The following PLCB1 variants were observed in gnomAD, a reference collection of about 807,000 sequenced individuals.
The protein encoded by PLCB1 is 1-phosphatidylinositol 4,5-bisphosphate phosphodiesterase beta-1.
Under a neutral mutation model 161.8 loss-of-function variants are expected in PLCB1, and 46 were observed. That is an observed-to-expected ratio of 0.28 (90% CI 0.22 to 0.36). The LOEUF (loss-of-function observed/expected upper bound fraction) is 0.36, where lower values mean the gene tolerates loss of function less well. PLCB1 is among the 10% of genes least tolerant of loss of function. The pLI, the probability that PLCB1 is intolerant of heterozygous loss-of-function variation, is 1.00. For missense variants in PLCB1, 1,016 were observed against 1,472.5 expected (o/e 0.69, Z 5.07); for synonymous variants, 517 against 503.7 (o/e 1.03, Z -0.35).
At chr20:8,691,978 C>T (rs902142979) in intron 10 of PLCB1, among the ~76,000 whole-genome samples, 1 of 152,112 alleles carries the variant, frequency 6.6e-6, no homozygotes, top group African/African-American at 2.4e-5. Flanking sequence ...GCAGTAAATA[C>T]AACCTATACT....
At chr20:8,486,336 T>A (rs1403434730) in intron 3 of PLCB1, among the ~76,000 whole-genome samples, 1 of 152,208 alleles carries the variant, frequency 6.6e-6, no homozygotes, top group Non-Finnish European at 1.5e-5. Context: ...CGTTCAGATG[T>A]ACTAATTTGT....
At chr20:8,517,718 T>C (rs1984191260) in intron 3 of PLCB1, among the ~76,000 whole-genome samples, 1 of 152,158 alleles carries the variant, frequency 6.6e-6, no homozygotes, top group African/African-American at 2.4e-5. Context: ...GGAATGAATC[T>C]CTGGATTGGC....
intron 3 of PLCB1, among the ~76,000 whole-genome samples, chr20:8,494,245 A>T (rs1012014862): frequency 6.6e-6 from 1 of 152,220 alleles, no homozygotes; most frequent in African/African-American, 2.4e-5. Flanking sequence ...CTGGAACATG[A>T]CTTTCCTCCC....
At chr20:8,427,860 A>G (rs1208637429) in intron 3 of PLCB1, among the ~76,000 whole-genome samples, 1 of 152,238 alleles carries the variant, frequency 6.6e-6, no homozygotes, top group Non-Finnish European at 1.5e-5. Flanking sequence ...TGAATGTTTC[A>G]TAATGTTCAA....
At chr20:8,535,108 A>G (rs1352332514) in intron 3 of PLCB1, among the ~76,000 whole-genome samples, 3 of 21,522 alleles carry the variant, frequency 1.4e-4, no homozygotes, top group African/African-American at 3.4e-4. Flanking sequence ...TTTAAAGTAA[A>G]AAAAAAAAAA....
intron 31 of PLCB1, among the ~76,000 whole-genome samples, chr20:8,872,853 C>CGGT (rs1158516216): frequency 6.6e-6 from 1 of 152,184 alleles, no homozygotes; most frequent in East Asian, 1.9e-4. Flanking sequence ...CACTCCAACA[C>CGGT]CCGGCATCCT....
chr20:8,256,292 C>T (rs1386190695), intron 2 of PLCB1, among the ~76,000 whole-genome samples: 1 of 152,100 alleles, frequency 6.6e-6, no homozygotes, highest in Non-Finnish European at 1.5e-5. Flanking sequence ...CTGGCCTATC[C>T]TGGGTGGTTC....
chr20:8,596,871 A>C (rs2123126464), intron 3 of PLCB1, among the ~76,000 whole-genome samples: 1 of 152,124 alleles, frequency 6.6e-6, no homozygotes, highest in African/African-American at 2.4e-5. Flanking sequence ...GCAATTGTGA[A>C]TGGGAGTTCA....
intron 3 of PLCB1, among the ~76,000 whole-genome samples, chr20:8,523,263 G>A (rs941322789): frequency 1.3e-5 from 2 of 151,712 alleles, no homozygotes; most frequent in African/African-American, 4.8e-5. Flanking sequence ...AGACACTAGG[G>A]ATATAGTAGA....
chr20:8,550,871 T>C (rs1985751152), intron 3 of PLCB1, among the ~76,000 whole-genome samples: 10 of 152,098 alleles, frequency 6.6e-5, no homozygotes, highest in Admixed American at 6.6e-4. Context: ...CTCTCTCTCT[T>C]TTTCTCTATT....
intron 3 of PLCB1, among the ~76,000 whole-genome samples, chr20:8,475,530 C>T (rs919102420): frequency 1.3e-5 from 2 of 152,190 alleles, no homozygotes; most frequent in African/African-American, 4.8e-5. Context: ...AGGAGTTCAG[C>T]CTGTGTTCGG....
At chr20:8,247,682 T>C (rs909713700) in intron 2 of PLCB1, among the ~76,000 whole-genome samples, 2 of 151,432 alleles carry the variant, frequency 1.3e-5, no homozygotes, top group African/African-American at 4.9e-5. Context: ...GCCTAATACC[T>C]GGAACATAGT....
intron 10 of PLCB1, among the ~76,000 whole-genome samples, chr20:8,686,564 T>A (rs73897914): frequency 0.013 from 2,051 of 152,314 alleles, 45 homozygotes; most frequent in African/African-American, 0.046. Context: ...CAAGACTGAT[T>A]GGATATACAT....
intron 2 of PLCB1, among the ~76,000 whole-genome samples, chr20:8,255,629 G>A (rs1333766406): frequency 2.6e-5 from 4 of 151,878 alleles, no homozygotes; most frequent in Non-Finnish European, 5.9e-5. Context: ...CAACCAGTTA[G>A]CCAGTTCAAG....
chr20:8,448,885 A>G (rs1428156909), intron 3 of PLCB1, among the ~76,000 whole-genome samples: 1 of 152,226 alleles, frequency 6.6e-6, no homozygotes, highest in Non-Finnish European at 1.5e-5. Flanking sequence ...ACATCTCCTG[A>G]AAGGCAATGC....
At chr20:8,749,629 T>A (rs1357966879) in intron 23 of PLCB1, among the ~76,000 whole-genome samples, 1 of 152,196 alleles carries the variant, frequency 6.6e-6, no homozygotes, top group Non-Finnish European at 1.5e-5. Context: ...TCTAATAAAT[T>A]CAAGTTGGTA....
rs770977674 is a variant in PLCB1, at chr20:8,371,378, C to G, written c.178-4C>G. 1 of 1,609,784 alleles carries G rather than the reference C, an allele frequency of 6.2e-7. No individual in the cohort carries two copies. Among genetic ancestry groups the G allele is most frequent in the Admixed American group, 1.7e-5 (1 of 59,298 alleles). On this transcript the variant is annotated splice_polypyrimidine_tract_variant and splice_region_variant and intron_variant, in intron 2 of 31. Transcript: ENST00000338037. ...CTTAACGATTTCACGTTTTTGCCTT[C>G]CAGGAGACAGAGCTACTGGATCTCA...
chr20:8,697,518 A>G (rs1990608903), intron 10 of PLCB1, 108 bp from the exon 11 acceptor site: 1 of 1,070,878 alleles, frequency 9.3e-7, no homozygotes, highest in Admixed American at 2.2e-5. Flanking sequence ...TAACTGCTGC[A>G]GCTCTTAGAC....
chr20:8,315,846 G>A (rs756352147), intron 2 of PLCB1, among the ~76,000 whole-genome samples: 9 of 152,178 alleles, frequency 5.9e-5, no homozygotes, highest in South Asian at 2.1e-4. Context: ...AAGGGCAACC[G>A]TAAGTGATGG....
Sources: gnomAD v4.1 joint callset for allele counts (sites outside exome capture counted in the v4.1 genomes callset) on GRCh38, gnomAD v4.1.1 for gene constraint, MANE v1.5 for transcripts, NCBI Gene and HGNC (gene_info 2026-07-23, HGNC 2026-07-21) for gene names.